Variants in SORCS1 observed in about 807,000 individuals in gnomAD.
The protein encoded by SORCS1 is sortilin related VPS10 domain containing receptor 1.
A neutral mutation model predicts 146.1 loss-of-function variants in SORCS1; 60 were observed. That is an observed-to-expected ratio of 0.41 (90% CI 0.33 to 0.51). The LOEUF (loss-of-function observed/expected upper bound fraction) is 0.51. Ranked by LOEUF, SORCS1 falls within the 20% of genes least tolerant of loss-of-function variation. SORCS1 has a pLI of 0.21. For missense variants in SORCS1, 1,352 were observed against 1,487.6 expected (o/e 0.91, Z 1.50); for synonymous variants, 637 against 584.0 (o/e 1.09, Z -1.31).
intron 2 of SORCS1, among the ~76,000 whole-genome samples, chr10:106,916,863 C>T (rs961914668): frequency 7.9e-5 from 12 of 152,218 alleles, no homozygotes; most frequent in African/African-American, 2.9e-4. Context: ...AATTCTCCTG[C>T]TTCAGCCTCC....
chr10:106,669,858 C>T (rs577834388), intron 16 of SORCS1, among the ~76,000 whole-genome samples: 1 of 152,266 alleles, frequency 6.6e-6, no homozygotes, highest in South Asian at 2.1e-4. Flanking sequence ...TCTTGTCAGA[C>T]CTTCTTAGTA....
chr10:107,065,230 A>G (rs1310225138), intron 1 of SORCS1, among the ~76,000 whole-genome samples: 4 of 152,036 alleles, frequency 2.6e-5, no homozygotes, highest in African/African-American at 9.7e-5. Flanking sequence ...AACATGAATG[A>G]GCATTCACTT....
Position 106,763,278 on chromosome 10 carries a change from A to C in SORCS1, c.886-1617T>G, listed in dbSNP as rs1341758378. Among the ~76,000 whole-genome samples the C allele has an allele frequency of 3.3e-5, 5 of 152,094 alleles. No individual in the cohort carries two copies. In the South Asian group the frequency reaches 1.0e-3, roughly 32 times the overall value. On this transcript the variant is annotated intron_variant, in intron 4 of 25. Coordinates refer to ENST00000263054, the MANE Select transcript of SORCS1 (RefSeq NM_052918.5). The stretch of plus-strand genomic sequence containing the variant: ...CACAGAGAATTCATCTCTGTGAGGA[A>C]TTGTTGGGCGCCAGCGTTTGTGGTT...
At chr10:106,840,570 A>C (rs1237405798) in intron 2 of SORCS1, among the ~76,000 whole-genome samples, 1 of 152,168 alleles carries the variant, frequency 6.6e-6, no homozygotes, top group Non-Finnish European at 1.5e-5. Context: ...AACTTAGTAG[A>C]TAAAGTAATG....
chr10:106,872,934 G>A (rs1950465285), intron 2 of SORCS1, among the ~76,000 whole-genome samples: 1 of 152,062 alleles, frequency 6.6e-6, no homozygotes, highest in Non-Finnish European at 1.5e-5. Context: ...CAGCACTTTG[G>A]GAGTTCGAGG....
At chr10:106,769,341 C>T (rs866534642) in intron 4 of SORCS1, among the ~76,000 whole-genome samples, 160 of 151,896 alleles carry the variant, frequency 1.1e-3, no homozygotes, top group African/African-American at 3.5e-3. Context: ...AAAAATTAGC[C>T]GGGCGTGGGG....
chr10:106,700,232 G>A (rs1050931682), intron 8 of SORCS1, among the ~76,000 whole-genome samples: 2 of 152,092 alleles, frequency 1.3e-5, no homozygotes, highest in Admixed American at 6.5e-5. Context: ...CCCCTGGGGT[G>A]GGAATTTCAA....
chr10:106,714,645 G>A (rs910188788), intron 6 of SORCS1, among the ~76,000 whole-genome samples: 16 of 152,072 alleles, frequency 1.1e-4, no homozygotes, highest in African/African-American at 2.7e-4. Flanking sequence ...ATCTATAAAT[G>A]TATGTTTGCA....
chr10:106,683,210 C>G (rs1233800468), intron 10 of SORCS1, among the ~76,000 whole-genome samples: 3 of 152,218 alleles, frequency 2.0e-5, no homozygotes, highest in African/African-American at 7.2e-5. Flanking sequence ...AATACTTTGG[C>G]TATTCCAAGT....
intron 4 of SORCS1, among the ~76,000 whole-genome samples, chr10:106,772,676 C>T (rs1410992645): frequency 2.0e-5 from 3 of 152,134 alleles, no homozygotes; most frequent in African/African-American, 7.2e-5. Flanking sequence ...CTGATTAAAA[C>T]CACCTTTTAA....
At position 106,579,474 on chromosome 10, in the gene SORCS1, G is replaced by C. The variant is rs1368473251; in HGVS notation, c.3266C>G (p.Ala1089Gly). Residue 1089 changes from alanine to glycine, a missense_variant and splice_region_variant, in exon 25 of 26, where the codon GCC (alanine) becomes GGC (glycine). Around this residue, in one of 3 missense-constraint regions of SORCS1, gnomAD observed 214 missense variants for 204.8 expected, o/e 1.05. Coordinates refer to ENST00000263054, the MANE Select transcript of SORCS1 (RefSeq NM_052918.5). ...VLVHAAHLTA[A>G]PLVDLTPTHS... is the part of the protein sequence containing the mutation. ...GGTTGGAGTGAGGTCCACCAGGGGGGCTTGTGGGGGAAACAGAGCAGAGAA... is the reference window on the plus strand; with the variant it reads ...GGTTGGAGTGAGGTCCACCAGGGGGCCTTGTGGGGGAAACAGAGCAGAGAA... 1 of 1,613,642 alleles carries C rather than the reference G, an allele frequency of 6.2e-7. No individual in the cohort carries two copies. Among genetic ancestry groups the C allele is most frequent in the East Asian group, 2.2e-5 (1 of 44,836 alleles).
chr10:106,910,723 C>A (rs1365498989), intron 2 of SORCS1, among the ~76,000 whole-genome samples: 1 of 152,124 alleles, frequency 6.6e-6, no homozygotes, highest in African/African-American at 2.4e-5. Context: ...AGCAGTATTG[C>A]CCATCCATGG....
chr10:106,590,127 T>G (rs1429137851), intron 24 of SORCS1, among the ~76,000 whole-genome samples: 1 of 152,158 alleles, frequency 6.6e-6, no homozygotes, highest in Non-Finnish European at 1.5e-5. Flanking sequence ...ACACATAATT[T>G]TATACATAAA....
chr10:106,759,974 A>C (rs1203411291), intron 5 of SORCS1, among the ~76,000 whole-genome samples: 1 of 152,220 alleles, frequency 6.6e-6, no homozygotes, highest in Non-Finnish European at 1.5e-5. Flanking sequence ...ATGTAAATGC[A>C]AGTATCTCTA....
At chr10:107,025,321 A>C (rs1264396786) in intron 1 of SORCS1, among the ~76,000 whole-genome samples, 1 of 152,224 alleles carries the variant, frequency 6.6e-6, no homozygotes, top group Non-Finnish European at 1.5e-5. Flanking sequence ...AATCAACCCC[A>C]ATAAATGCTA....
At chr10:106,903,627 G>A (rs145709046) in intron 2 of SORCS1, among the ~76,000 whole-genome samples, 1 of 152,310 alleles carries the variant, frequency 6.6e-6, no homozygotes, top group Non-Finnish European at 1.5e-5. Flanking sequence ...AAAGAAAAGA[G>A]TGACGATTTT....
chr10:106,767,283 TGAA>T (rs1231901277), intron 4 of SORCS1, among the ~76,000 whole-genome samples: 2 of 152,120 alleles, frequency 1.3e-5, no homozygotes, highest in Non-Finnish European at 2.9e-5. Flanking sequence ...CAGCTGTCAC[TGAA>T]GTCTGTCAAA....
At chr10:106,731,273 A>G (rs1856574480) in intron 5 of SORCS1, among the ~76,000 whole-genome samples, 1 of 137,746 alleles carries the variant, frequency 7.3e-6, no homozygotes, top group South Asian at 2.5e-4. Flanking sequence ...AGCCTGGGTG[A>G]CGGAGTGAGA....
chr10:106,923,526 T>A (rs1292157463), intron 2 of SORCS1, among the ~76,000 whole-genome samples: 2 of 152,226 alleles, frequency 1.3e-5, no homozygotes, highest in Non-Finnish European at 2.9e-5. Flanking sequence ...TTTAGTTTTA[T>A]AAGAAACTGC....
Sources: gnomAD v4.1 joint callset for allele counts (sites outside exome capture counted in the v4.1 genomes callset) on GRCh38, gnomAD v4.1.1 for gene constraint, gnomAD v4.1.1 regional missense constraint, MANE v1.5 for transcripts, NCBI Gene and HGNC (gene_info 2026-07-23, HGNC 2026-07-21) for gene names.